The following DNAH8 variants were observed in gnomAD, a reference collection of about 807,000 sequenced individuals.
DNAH8 encodes the protein axonemal beta dynein heavy chain 8.
Under a neutral mutation model 562.1 loss-of-function variants are expected in DNAH8, and 382 were observed. The observed-to-expected ratio is 0.68, with a 90% confidence interval of 0.63 to 0.74. The LOEUF (loss-of-function observed/expected upper bound fraction) is 0.74. DNAH8 is among the 30% of genes least tolerant of loss of function. DNAH8 has a pLI of 0.00. For synonymous variants in DNAH8, 1,881 were observed against 1,919.4 expected, an observed-to-expected ratio of 0.98 and a Z score of 0.52; for missense variants, 5,203 against 5,620.4, an observed-to-expected ratio of 0.93 and a Z score of 2.37.
intron 13 of DNAH8, among the ~76,000 whole-genome samples, chr6:38,776,212 G>A (rs1161249857): frequency 6.9e-6 from 1 of 145,206 alleles, no homozygotes; most frequent in African/African-American, 2.6e-5. Flanking sequence ...TTTATAGCTA[G>A]GATTCTTTTT....
chr6:38,888,498 A>T (rs1208110749), intron 57 of DNAH8, among the ~76,000 whole-genome samples: 1 of 152,194 alleles, frequency 6.6e-6, no homozygotes, highest in Non-Finnish European at 1.5e-5. Context: ...AACAACAAAA[A>T]TGTCATATTC....
At position 38,723,146 on chromosome 6, in the gene DNAH8, CGCCGGAGTATGAGTG is replaced by C. The variant is rs1182931533; in HGVS notation, c.341_355del (p.Arg114_Gly118del). ...GTCTTCCCGGAGGTCCTCCAGATAC[CGCCGGAGTATGAGTG>C]GCCTTCCCAATCTACAGGAAACATT... On this transcript the variant is annotated inframe_deletion, in exon 2 of 93. Coordinates refer to ENST00000327475, the MANE Select transcript of DNAH8 (RefSeq NM_001206927.2). 1 of 1,612,408 alleles carries C rather than the reference CGCCGGAGTATGAGTG, an allele frequency of 6.2e-7. No individual in the cohort carries two copies. The highest frequency in any genetic ancestry group is 8.5e-7 in the Non-Finnish European group (1 of 1,179,872).
intron 36 of DNAH8, 109 bp from the exon 37 acceptor site, chr6:38,848,539 C>A: frequency 1.1e-6 from 1 of 897,908 alleles, no homozygotes; most frequent in Non-Finnish European, 1.7e-6. Flanking sequence ...CCTTTAAGGA[C>A]AAAACATTCA....
chr6:39,020,502 A>G (rs1766843288), intron 91 of DNAH8, among the ~76,000 whole-genome samples: 1 of 152,118 alleles, frequency 6.6e-6, no homozygotes, highest in South Asian at 2.1e-4. Context: ...GAATCCATAC[A>G]ATCAATTTTC....
chr6:38,929,254 T>A, intron 74 of DNAH8: 1 of 282,648 alleles, frequency 3.5e-6, no homozygotes, highest in Non-Finnish European at 6.5e-6. Flanking sequence ...AACTCTGACA[T>A]TGCATCTGAG....
At chr6:38,927,929 C>T (rs1349986332) in intron 74 of DNAH8, 1 of 152,192 alleles carries the variant, frequency 6.6e-6, no homozygotes, top group African/African-American at 2.4e-5. Context: ...GAATTGTATT[C>T]TCCTTACTCA....
At chr6:38,923,255 T>C in intron 72 of DNAH8, 70 bp downstream of exon 72, 2 of 1,569,164 alleles carry the variant, frequency 1.3e-6, no homozygotes, top group East Asian at 2.3e-5. Context: ...TCCATTTCCA[T>C]GTGTTCATCT....
intron 76 of DNAH8, chr6:38,932,793 C>T (rs1782655025): frequency 6.6e-6 from 1 of 152,166 alleles, no homozygotes; most frequent in Non-Finnish European, 1.5e-5. Context: ...TCCAGGGTCC[C>T]AAACACAGGA....
At chr6:38,875,462 T>G in intron 52 of DNAH8, 129 bp from the exon 53 acceptor site, 2 of 586,522 alleles carry the variant, frequency 3.4e-6, no homozygotes, top group Non-Finnish European at 5.6e-6. Context: ...AGGACGGTGA[T>G]CAAGCAATAG....
chr6:38,768,349 C>G (rs968979101), intron 11 of DNAH8, among the ~76,000 whole-genome samples: 30 of 152,114 alleles, frequency 2.0e-4, no homozygotes, highest in African/African-American at 7.2e-4. Context: ...TTCACTGCCT[C>G]CTTGACCTCC....
At chr6:38,750,612 A>C in intron 9 of DNAH8, 23 bp downstream of exon 9, 1 of 1,455,274 alleles carries the variant, frequency 6.9e-7, no homozygotes, top group South Asian at 1.2e-5. Flanking sequence ...TTAAAGTACA[A>C]TTTTAAACTG....
chr6:38,882,868 A>G (rs780443974), intron 53 of DNAH8, 42 bp from the exon 54 acceptor site: 12 of 1,362,854 alleles, frequency 8.8e-6, no homozygotes, highest in Non-Finnish European at 1.2e-5. Context: ...TAACTTTCAC[A>G]GAATATGGTT....
Position 38,857,612 on chromosome 6 carries a change from A to T in DNAH8, c.5828A>T (p.Asn1943Ile), listed in dbSNP as rs556109331. Reference protein sequence around the residue: ...KDDRKIMQVTNQKFLDILNTL... With the variant: ...KDDRKIMQVTIQKFLDILNTL... The stretch of plus-strand genomic sequence containing the variant: ...GACAGGAAAATCATGCAAGTGACCA[A>T]TCAGAAATTTTTGGATATTCTAAAT... Residue 1943 changes from asparagine to isoleucine, a missense_variant, in exon 42 of 93, where the codon AAT becomes ATT. Asn to Ile is a moderately radical substitution (Grantham distance 149). Coordinates refer to ENST00000327475, the MANE Select transcript of DNAH8 (RefSeq NM_001206927.2). 8.1e-6 allele frequency: 13 copies of T among 1,613,920 alleles called. No individual in the cohort carries two copies. Among genetic ancestry groups the T allele is most frequent in the Middle Eastern group, 1.7e-4 (1 of 6,058 alleles).
chr6:39,013,083 T>TCC (rs1561975893), intron 91 of DNAH8, among the ~76,000 whole-genome samples: 1 of 152,212 alleles, frequency 6.6e-6, no homozygotes, highest in Non-Finnish European at 1.5e-5. Context: ...AGGGGGGTCT[T>TCC]CCCCCACTCA....
chr6:38,984,451 TAC>T (rs557777550), intron 87 of DNAH8, 144 bp downstream of exon 87: 179 of 626,392 alleles, frequency 2.9e-4, no homozygotes, highest in Middle Eastern at 1.4e-3. Flanking sequence ...TGTGTGCGCT[TAC>T]ACACACGCAC....
At chr6:38,759,878 T>C (rs187084093) in intron 10 of DNAH8, among the ~76,000 whole-genome samples, 53 of 152,318 alleles carry the variant, frequency 3.5e-4, no homozygotes, top group Non-Finnish European at 7.4e-4. Flanking sequence ...TATACATTCC[T>C]GCTTGCCCAT....
chr6:38,929,256 G>T, intron 74 of DNAH8: 1 of 284,610 alleles, frequency 3.5e-6, no homozygotes, highest in Non-Finnish European at 6.5e-6. Context: ...CTCTGACATT[G>T]CATCTGAGCA....
chr6:38,771,556 C>A (rs570236659), intron 12 of DNAH8, among the ~76,000 whole-genome samples: 1 of 152,150 alleles, frequency 6.6e-6, no homozygotes, highest in African/African-American at 2.4e-5. Context: ...CCATTCTCTC[C>A]TCTCCCCAGT....
intron 12 of DNAH8, among the ~76,000 whole-genome samples, chr6:38,772,686 C>T (rs990022175): frequency 9.2e-5 from 14 of 151,854 alleles, no homozygotes; most frequent in South Asian, 6.2e-4. Flanking sequence ...CTTTGAAGTA[C>T]GATAGTTTTT....
Sources: gnomAD v4.1 joint callset for allele counts (sites outside exome capture counted in the v4.1 genomes callset) on GRCh38, gnomAD v4.1.1 for gene constraint, MANE v1.5 for transcripts, NCBI Gene and HGNC (gene_info 2026-07-23, HGNC 2026-07-21) for gene names.